CTNNA3: variants seen among roughly 807,000 people sequenced by gnomAD.
The protein encoded by CTNNA3 is catenin alpha 3.
Under a neutral mutation model 95.7 loss-of-function variants are expected in CTNNA3, and 76 were observed. That is an observed-to-expected ratio of 0.79 (90% CI 0.66 to 0.96). The LOEUF is 0.96. Ranked by LOEUF, CTNNA3 falls within the 40% of genes least tolerant of loss-of-function variation. The pLI is 0.00. For missense variants in CTNNA3, 1,191 were observed against 1,089.8 expected (o/e 1.09, Z -1.31); for synonymous variants, 431 against 374.4 (o/e 1.15, Z -1.74).
intron 7 of CTNNA3, among the ~76,000 whole-genome samples, chr10:66,844,426 A>G (rs930522489): frequency 3.9e-5 from 6 of 152,192 alleles, no homozygotes; most frequent in Non-Finnish European, 8.8e-5. Context: ...GGCTGGGAAA[A>G]CAACTTAACC....
intron 5 of CTNNA3, among the ~76,000 whole-genome samples, chr10:67,405,778 T>A (rs781067971): frequency 1.3e-5 from 2 of 152,164 alleles, no homozygotes; most frequent in African/African-American, 4.8e-5. Flanking sequence ...CATCACTTAC[T>A]CTAAAATTGG....
chr10:66,400,365 CTT>C (rs905735479), intron 11 of CTNNA3, among the ~76,000 whole-genome samples: 62 of 151,948 alleles, frequency 4.1e-4, no homozygotes, highest in African/African-American at 1.5e-3. Context: ...TAAATATTCT[CTT>C]TGTCAAGCTC....
At chr10:66,718,063 T>C (rs558009185) in intron 9 of CTNNA3, among the ~76,000 whole-genome samples, 172 of 152,138 alleles carry the variant, frequency 1.1e-3, no homozygotes, top group Non-Finnish European at 1.9e-3. Flanking sequence ...GTTGTACAGC[T>C]ACATTGGCAC....
intron 17 of CTNNA3, among the ~76,000 whole-genome samples, chr10:65,963,864 A>G (rs1000053095): frequency 6.6e-6 from 1 of 152,184 alleles, no homozygotes; most frequent in Non-Finnish European, 1.5e-5. Flanking sequence ...AATATCTCTC[A>G]GGTTATTTTA....
In CTNNA3 at chr10:65,920,302, T is replaced by C. The variant is rs1394621001; in HGVS notation, c.*28A>G. 2.5e-6 allele frequency: 4 copies of C among 1,586,178 alleles called. No homozygotes were observed. The highest frequency in any genetic ancestry group is 3.4e-6 in the Non-Finnish European group (4 of 1,161,122). On this transcript the variant is annotated 3_prime_UTR_variant, in exon 18 of 18. Coordinates refer to ENST00000433211, the MANE Select transcript of CTNNA3 (RefSeq NM_013266.4). ...AGTGTGGTTAGGCAGGATTTTGTCA[T>C]ATAGGCACTATATGTAGAATAGTGG...
intron 11 of CTNNA3, among the ~76,000 whole-genome samples, chr10:66,409,402 C>CA (rs71957917): frequency 0.029 from 4,005 of 138,350 alleles, 165 homozygotes; most frequent in African/African-American, 0.092. Flanking sequence ...TAACTGTTCC[C>CA]AAAAAAAAAA....
chr10:66,721,112 G>A (rs994783206), intron 9 of CTNNA3, among the ~76,000 whole-genome samples: 1 of 152,180 alleles, frequency 6.6e-6, no homozygotes, highest in Non-Finnish European at 1.5e-5. Flanking sequence ...CTGGGTTAGA[G>A]GGCCAGCATG....
At chr10:66,595,467 C>T (rs1468571321) in intron 10 of CTNNA3, among the ~76,000 whole-genome samples, 1 of 151,844 alleles carries the variant, frequency 6.6e-6, no homozygotes, top group Non-Finnish European at 1.5e-5. Flanking sequence ...CCTCAGCCTC[C>T]TGGGTATTAC....
At chr10:66,531,640 C>T (rs1372242117) in intron 10 of CTNNA3, among the ~76,000 whole-genome samples, 2 of 152,100 alleles carry the variant, frequency 1.3e-5, no homozygotes, top group Non-Finnish European at 2.9e-5. Context: ...ACAGAATTTA[C>T]AATTTTGTTG....
At chr10:67,458,473 A>C (rs1387921568) in intron 5 of CTNNA3, among the ~76,000 whole-genome samples, 1 of 152,072 alleles carries the variant, frequency 6.6e-6, no homozygotes, top group African/African-American at 2.4e-5. Flanking sequence ...GGGCAGGAAC[A>C]AGCTCTTTTA....
chr10:66,283,395 C>T (rs932341573), intron 12 of CTNNA3, among the ~76,000 whole-genome samples: 1 of 151,768 alleles, frequency 6.6e-6, no homozygotes, highest in Non-Finnish European at 1.5e-5. Flanking sequence ...TTAATACTTT[C>T]AATCTGCTAT....
intron 7 of CTNNA3, chr10:66,926,632 CA>C: frequency 6.3e-7 from 1 of 1,598,182 alleles, no homozygotes; most frequent in Non-Finnish European, 8.6e-7. Flanking sequence ...AAACAAAAAA[CA>C]AAAAACCTCT....
intron 1 of CTNNA3, among the ~76,000 whole-genome samples, chr10:67,657,380 A>G (rs1487658648): frequency 1.3e-5 from 2 of 152,224 alleles, no homozygotes; most frequent in Non-Finnish European, 1.5e-5. Context: ...AGTTGTCAGC[A>G]TAAAGGTAGA....
intron 14 of CTNNA3, among the ~76,000 whole-genome samples, chr10:66,093,415 T>C (rs2081283674): frequency 1.3e-5 from 2 of 151,996 alleles, no homozygotes; most frequent in Non-Finnish European, 2.9e-5. Context: ...GGGGCTAAAG[T>C]ATAAAGAAAG....
chr10:67,726,564 A>ATATATTACATAATATAATATGTAATAT (rs1841226176), intron 1 of CTNNA3, among the ~76,000 whole-genome samples: 1 of 70,836 alleles, frequency 1.4e-5, no homozygotes, highest in Non-Finnish European at 2.3e-5. Context: ...ATAATATAAT[A>ATATATTACATAATATAATATGTAATAT]TATATTACAT....
At chr10:66,586,513 G>C (rs921214666) in intron 10 of CTNNA3, among the ~76,000 whole-genome samples, 1 of 152,102 alleles carries the variant, frequency 6.6e-6, no homozygotes, top group African/African-American at 2.4e-5. Context: ...CTATCTGCAA[G>C]AATGCTGATG....
chr10:66,104,458 T>C (rs2081800891), intron 13 of CTNNA3, among the ~76,000 whole-genome samples: 1 of 152,214 alleles, frequency 6.6e-6, no homozygotes. Flanking sequence ...TTTTTTTATT[T>C]CAATAGCTTT....
chr10:66,513,037 T>G (rs1840717633), intron 11 of CTNNA3, among the ~76,000 whole-genome samples: 1 of 152,164 alleles, frequency 6.6e-6, no homozygotes, highest in Admixed American at 6.5e-5. Flanking sequence ...TATATCTAGA[T>G]GATTATCTCC....
chr10:66,026,003 ATAT>A (rs1426458844), intron 15 of CTNNA3, among the ~76,000 whole-genome samples: 1 of 152,132 alleles, frequency 6.6e-6, no homozygotes, highest in African/African-American at 2.4e-5. Flanking sequence ...CCATTGTCTA[ATAT>A]TAGTTTGTTT....
Sources: gnomAD v4.1 joint callset for allele counts (sites outside exome capture counted in the v4.1 genomes callset) on GRCh38, gnomAD v4.1.1 for gene constraint, MANE v1.5 for transcripts, NCBI Gene and HGNC (gene_info 2026-07-23, HGNC 2026-07-21) for gene names.